The following SYNGR4 variants were observed in gnomAD, a reference collection of about 807,000 sequenced individuals.
SYNGR4 encodes synaptogyrin 4.
A neutral mutation model predicts 15.5 loss-of-function variants in SYNGR4; 15 were observed. The ratio of observed to expected loss-of-function variants is 0.97; its 90% CI spans 0.65 to 1.49. SYNGR4 has a LOEUF of 1.49. Ranked by LOEUF, SYNGR4 falls within the 40% of genes most tolerant of loss-of-function variation. The pLI, the probability that SYNGR4 is intolerant of heterozygous loss-of-function variation, is 0.00. For missense variants in SYNGR4, 292 were observed against 299.3 expected (o/e 0.98, Z 0.18); for synonymous variants, 121 against 127.4 (o/e 0.95, Z 0.34).
At chr19:48,370,547 C>T (rs535108066) in intron 2 of SYNGR4, among the ~76,000 whole-genome samples, 2 of 152,146 alleles carry the variant, frequency 1.3e-5, no homozygotes, top group South Asian at 2.1e-4. Flanking sequence ...CCAATTCTAA[C>T]GAAGGGGAGA....
At position 48,375,671 on chromosome 19, in the gene SYNGR4, T is replaced by C; in HGVS notation, c.390T>C (p.His130=). 6.2e-7 allele frequency: 1 copy of C among 1,614,064 alleles called. No homozygotes were observed. Among genetic ancestry groups the C allele is most frequent in the African/African-American group, 1.3e-5 (1 of 75,020 alleles). Residue 130 remains histidine (H), a synonymous_variant, in exon 4 of 5, where the codon CAT becomes CAC. Transcript: ENST00000344846. The stretch of plus-strand genomic sequence containing the variant: ...GCTTCCTGGCCAACCAATGGCAGCA[T>C]TCGCCGCCCAAAGAGTTCCTCCTGG... ...GFCFLANQWQ[H]SPPKEFLLGS... is the part of the protein sequence containing the mutation.
At chr19:48,366,832 CAG>C (rs1409602839) in intron 2 of SYNGR4, among the ~76,000 whole-genome samples, 1 of 152,194 alleles carries the variant, frequency 6.6e-6, no homozygotes, top group African/African-American at 2.4e-5. Flanking sequence ...AGGTGCTCAA[CAG>C]CCACATGTGG....
chr19:48,367,269 A>G (rs1193373577), intron 2 of SYNGR4, among the ~76,000 whole-genome samples: 3 of 151,788 alleles, frequency 2.0e-5, no homozygotes, highest in Admixed American at 6.6e-5. Context: ...CATCTCTACT[A>G]AAAATACAAA....
chr19:48,373,471 C>A (rs1302319787), intron 2 of SYNGR4, 46 bp from the exon 3 acceptor site: 1 of 1,546,508 alleles, frequency 6.5e-7, no homozygotes, highest in African/African-American at 1.4e-5. Context: ...GGAGGAGCAG[C>A]TTCAGGGAGA....
intron 3 of SYNGR4, 136 bp downstream of exon 3, chr19:48,373,890 T>C (rs1418102648): frequency 2.4e-6 from 2 of 831,820 alleles, no homozygotes; most frequent in Non-Finnish European, 3.9e-6. Flanking sequence ...GTAGGAGGCA[T>C]CTGACCACAA....
intron 2 of SYNGR4, chr19:48,372,895 A>C (rs1970331103): frequency 6.5e-6 from 1 of 152,898 alleles, no homozygotes; most frequent in Admixed American, 6.5e-5. Context: ...TCGCAGAGGG[A>C]AGGGCTCTAA....
At chr19:48,366,016 T>C in intron 2 of SYNGR4, 81 bp downstream of exon 2, 2 of 1,459,722 alleles carry the variant, frequency 1.4e-6, no homozygotes, top group Non-Finnish European at 1.9e-6. Context: ...GTGCGGGAGA[T>C]GGGAGGACAA....
chr19:48,369,271 G>T (rs1001051116), intron 2 of SYNGR4, among the ~76,000 whole-genome samples: 2 of 148,854 alleles, frequency 1.3e-5, no homozygotes, highest in African/African-American at 5.0e-5. Context: ...GCCAGGGAGG[G>T]CATGGAAGGA....
intron 2 of SYNGR4, 38 bp downstream of exon 2, chr19:48,365,973 A>G (rs757804111): frequency 1.2e-6 from 2 of 1,601,754 alleles, no homozygotes; most frequent in Non-Finnish European, 1.7e-6. Flanking sequence ...CCCCTGGGTG[A>G]CAGGAGCCAG....
chr19:48,376,044 C>T (rs770448377), intron 4 of SYNGR4, 41 bp from the exon 5 acceptor site: 3 of 1,613,886 alleles, frequency 1.9e-6, no homozygotes, highest in South Asian at 2.2e-5. Flanking sequence ...CTGACCTGCC[C>T]AGCCCAAGTC....
rs1029351455 is a variant in SYNGR4, at chr19:48,373,676, G to A, written c.253G>A (p.Val85Ile). The change falls in exon 3 of 5, where the codon GTC becomes ATC. Residue 85 changes from valine (V) to isoleucine (I), a missense_variant. Coordinates refer to ENST00000344846, the MANE Select transcript of SYNGR4 (RefSeq NM_012451.4). The stretch of plus-strand genomic sequence containing the variant: ...CTTCCTCAGCTGCCTGGCCTTCCTC[G>A]TCCTGGACACACAGGAGACCCGCAT... ...LAFLSCLAFL[V>I]LDTQETRIAG... 1.5e-5 allele frequency: 25 copies of A among 1,613,730 alleles called. No homozygotes were observed. The highest frequency in any genetic ancestry group is 6.7e-5 in the African/African-American group (5 of 74,910).
At position 48,365,916 on chromosome 19, in the gene SYNGR4, T is replaced by C; in HGVS notation, c.74T>C (p.Ile25Thr). 3 of 1,613,672 alleles carry C rather than the reference T, an allele frequency of 1.9e-6. No homozygotes were observed. The highest frequency in any genetic ancestry group is 2.5e-6 in the Non-Finnish European group (3 of 1,179,932). ...CAGTTTCTGAGAAGGCCCAAGACCATCACGCGGGTCTTCGAAGGGGTGAGG... is the reference window on the plus strand; with the variant it reads ...CAGTTTCTGAGAAGGCCCAAGACCACCACGCGGGTCTTCGAAGGGGTGAGG... ...AVQFLRRPKTITRVFEGVFSL... is the reference protein window; with the variant it reads ...AVQFLRRPKTTTRVFEGVFSL... The change falls in exon 2 of 5, where the codon ATC becomes ACC. Residue 25 changes from isoleucine (I) to threonine (T), a missense_variant. Physicochemically the swap from Ile to Thr is moderately conservative, Grantham distance 89. Transcript: ENST00000344846.
At chr19:48,372,605 GGC>G (rs1970326416) in intron 2 of SYNGR4, among the ~76,000 whole-genome samples, 1 of 151,862 alleles carries the variant, frequency 6.6e-6, no homozygotes, top group Admixed American at 6.6e-5. Flanking sequence ...GAGCCGAGAT[GGC>G]GCCACTGCAC....
intron 4 of SYNGR4, 74 bp downstream of exon 4, chr19:48,375,826 A>G: frequency 6.4e-7 from 1 of 1,566,158 alleles, no homozygotes; most frequent in Non-Finnish European, 8.6e-7. Flanking sequence ...GGGCTAGAAC[A>G]TTCCTGCTCT....
intron 2 of SYNGR4, among the ~76,000 whole-genome samples, chr19:48,371,689 T>C (rs929085025): frequency 6.6e-6 from 1 of 151,414 alleles, no homozygotes; most frequent in Non-Finnish European, 1.5e-5. Flanking sequence ...GTGATCCTCC[T>C]ACCTCAGCCC....
intron 2 of SYNGR4, among the ~76,000 whole-genome samples, chr19:48,366,696 G>T (rs1005825176): frequency 3.9e-5 from 6 of 152,068 alleles, no homozygotes; most frequent in African/African-American, 1.4e-4. Flanking sequence ...GTCAGCCACC[G>T]CGCCCAGCCT....
At chr19:48,367,196 G>T (rs1970236085) in intron 2 of SYNGR4, among the ~76,000 whole-genome samples, 1 of 151,690 alleles carries the variant, frequency 6.6e-6, no homozygotes, top group Admixed American at 6.6e-5. Flanking sequence ...ACTTTGGGAG[G>T]CCGAGGCGGG....
At chr19:48,369,516 G>GTCT (rs1970273391) in intron 2 of SYNGR4, among the ~76,000 whole-genome samples, 4 of 151,968 alleles carry the variant, frequency 2.6e-5, no homozygotes, top group Admixed American at 2.6e-4. Context: ...CCATTTTCCT[G>GTCT]AGCACCTACT....
chr19:48,373,300 G>GCAAGGGC, intron 2 of SYNGR4: 1 of 570,722 alleles, frequency 1.8e-6, no homozygotes, highest in Non-Finnish European at 3.2e-6. Flanking sequence ...GGAGGCTGGG[G>GCAAGGGC]CAAGGGCCAA....
Sources: gnomAD v4.1 joint callset for allele counts (sites outside exome capture counted in the v4.1 genomes callset) on GRCh38, gnomAD v4.1.1 for gene constraint, MANE v1.5 for transcripts, NCBI Gene and HGNC (gene_info 2026-07-23, HGNC 2026-07-21) for gene names.